The following TIFAB variants were observed in gnomAD, a reference collection of about 807,000 sequenced individuals.
The protein encoded by TIFAB is TIFA inhibitor.
For synonymous variants in TIFAB, 116 were observed against 95.2 expected (o/e 1.22, Z -1.27); for missense variants, 222 against 203.6 (o/e 1.09, Z -0.55).
rs1038610478 is a variant in TIFAB, at chr5:135,449,922, G to T, written c.18C>A (p.Thr6=). MEKPL[T]VLRVSLYHPT... is the part of the protein sequence containing the mutation. ...GATGGTACAGGCTCACTCGCAGGACGGTGAGGGGCTTCTCCATGGAAGAAG... is the reference window on the plus strand; with the variant it reads ...GATGGTACAGGCTCACTCGCAGGACTGTGAGGGGCTTCTCCATGGAAGAAG... The change falls in exon 2 of 2, where the codon ACC becomes ACA. Residue 6 remains threonine (T), a synonymous_variant. Transcript: ENST00000537858. 2 of 1,521,242 alleles carry T rather than the reference G, an allele frequency of 1.3e-6. No individual in the cohort carries two copies. The highest frequency in any genetic ancestry group is 1.8e-6 in the Non-Finnish European group (2 of 1,134,222). The allele number at this position is 1,521,242 out of a possible 1,614,324, so 94.2% of individuals were successfully genotyped here.
In TIFAB at chr5:135,449,463, AC is replaced by A. The variant is rs1438057919; in HGVS notation, c.476del (p.Gly159ValfsTer57). On this transcript the variant is annotated frameshift_variant, in exon 2 of 2. Coordinates refer to ENST00000537858, the MANE Select transcript of TIFAB (RefSeq NM_001099221.2). LOFTEE classifies it high-confidence loss of function. ...AGGCAACCTGGATCTGCTACCCTGAACCAGGGGGAGGCTGCCCCTGGGAGAT... is the reference window on the plus strand; with the variant it reads ...AGGCAACCTGGATCTGCTACCCTGAACAGGGGGAGGCTGCCCCTGGGAGAT... ...EGISQGQPPP[G>X]SG 20 of 1,613,636 alleles carry A rather than the reference AC, an allele frequency of 1.2e-5. No homozygotes were observed. Among genetic ancestry groups the A allele is most frequent in the Non-Finnish European group, 1.7e-5 (20 of 1,179,848 alleles).
Position 135,445,134 on chromosome 5 carries a change from G to T in TIFAB, c.*4320C>A, listed in dbSNP as rs1203583479. On this transcript the variant is annotated 3_prime_UTR_variant, in exon 2 of 2. Coordinates refer to ENST00000537858, the MANE Select transcript of TIFAB (RefSeq NM_001099221.2). The stretch of plus-strand genomic sequence containing the variant: ...CCCCTCCAGGGTCTCCTTGGCAGGG[G>T]CTGTCCCCTATGAGCCTCTGCAGGG... 1 of 152,150 alleles carries T rather than the reference G, an allele frequency of 6.6e-6. No homozygotes were observed. Among genetic ancestry groups the T allele is most frequent in the East Asian group, 1.9e-4 (1 of 5,166 alleles). 9.4% of individuals were successfully genotyped at this position (152,150 alleles called of 1,614,324 possible). A position where few individuals can be genotyped will look rare whatever the true frequency, so the allele number is the denominator to read the frequency against.
chr5:135,447,242 A>G lies in TIFAB; in HGVS notation c.*2212T>C. The G allele has an allele frequency of 4.6e-6, 5 of 1,077,230 alleles. No individual in the cohort carries two copies. The South Asian group carries it at 4.8e-5, about 10-fold the overall frequency. 66.7% of individuals were successfully genotyped at this position (1,077,230 alleles called of 1,614,324 possible). On this transcript the variant is annotated 3_prime_UTR_variant, in exon 2 of 2. Transcript: ENST00000537858. ...CTAACCCTGCCTATTGGACCTTCTG[A>G]TGCAAGGAGCAGATTAAAATCCCCT...
chr5:135,452,210 T>G lies in TIFAB; in HGVS notation c.-12A>C, dbSNP rs1769372580. On this transcript the variant is annotated splice_region_variant and 5_prime_UTR_variant, in exon 1 of 2. Transcript: ENST00000537858. ...CAAGCCCCTCTGGCTTCAACTTACC[T>G]TATTGCCGGGGCACATCTGGCTCTA... The G allele has an allele frequency of 6.6e-6, 1 of 152,200 alleles. No individual in the cohort carries two copies. The highest frequency in any genetic ancestry group is 1.5e-5 in the Non-Finnish European group (1 of 68,060). 9.4% of individuals were successfully genotyped at this position (152,200 alleles called of 1,614,324 possible). A position where few individuals can be genotyped will look rare whatever the true frequency, so the allele number is the denominator to read the frequency against.
Position 135,446,150 on chromosome 5 carries a change from A to G in TIFAB, c.*3304T>C. ...TCACAATGACTCTAAGGAGGTAAGT[A>G]CTGTGAACTTTCCCGTTTTCTACAA... On this transcript the variant is annotated 3_prime_UTR_variant, in exon 2 of 2. Coordinates refer to ENST00000537858, the MANE Select transcript of TIFAB (RefSeq NM_001099221.2). The G allele has an allele frequency of 1.9e-6, 1 of 527,906 alleles. No homozygotes were observed. Among genetic ancestry groups the G allele is most frequent in the Non-Finnish European group, 3.3e-6 (1 of 303,414 alleles). 32.7% of individuals were successfully genotyped at this position (527,906 alleles called of 1,614,324 possible). A position where few individuals can be genotyped will look rare whatever the true frequency, so the allele number is the denominator to read the frequency against.
chr5:135,446,345 T>C lies in TIFAB; in HGVS notation c.*3109A>G, dbSNP rs781303653. The C allele has an allele frequency of 3.8e-6, 6 of 1,567,592 alleles. No homozygotes were observed. In the African/African-American group the frequency reaches 4.1e-5, roughly 11 times the overall value. On this transcript the variant is annotated 3_prime_UTR_variant, in exon 2 of 2. Transcript: ENST00000537858. ...TTCGTGTTTAGTGTATGTCTGTGCATACTTGCGTGTGTGCACACGCACACA... is the reference window on the plus strand; with the variant it reads ...TTCGTGTTTAGTGTATGTCTGTGCACACTTGCGTGTGTGCACACGCACACA...
chr5:135,449,246 T>G lies in TIFAB; in HGVS notation c.*208A>C. The G allele has an allele frequency of 1.3e-6, 1 of 761,634 alleles. No homozygotes were observed. Among genetic ancestry groups the G allele is most frequent in the Non-Finnish European group, 2.0e-6 (1 of 489,088 alleles). The allele number at this position is 761,634 out of a possible 1,614,324, so 47.2% of individuals were successfully genotyped here. A position where few individuals can be genotyped will look rare whatever the true frequency, so the allele number is the denominator to read the frequency against. ...TTATGAGCAAGGCAGCCAGTGGGTT[T>G]TGCTTGTCAACCTTGCATGATGCAG... On this transcript the variant is annotated 3_prime_UTR_variant, in exon 2 of 2. Coordinates refer to ENST00000537858, the MANE Select transcript of TIFAB (RefSeq NM_001099221.2).
rs1769329181 is a variant in TIFAB, at chr5:135,449,549, C to T, written c.391G>A (p.Val131Ile). 1.9e-6 allele frequency: 3 copies of T among 1,614,238 alleles called. No homozygotes were observed. The highest frequency in any genetic ancestry group is 2.5e-6 in the Non-Finnish European group (3 of 1,180,044). ...SLEAFVCYFH[V>I]SPSPLIYRPE... ...CTGTAAATCAGGGGTGAAGGGCTGA[C>T]ATGGAAATAGCAGACAAAAGCCTCC... Residue 131 changes from valine (V) to isoleucine (I), a missense_variant, in exon 2 of 2, where the codon GTC becomes ATC. Coordinates refer to ENST00000537858, the MANE Select transcript of TIFAB (RefSeq NM_001099221.2).
In TIFAB at chr5:135,449,793, C is replaced by T; in HGVS notation, c.147G>A (p.Gln49=). Reference sequence around the variant, plus strand: ...GGTGACGGCGGGAGAGGCGAGGGAGCTGCAGCTGGAGGTGGGCGTCCTGCC... The same window carrying T: ...GGTGACGGCGGGAGAGGCGAGGGAGTTGCAGCTGGAGGTGGGCGTCCTGCC... ...GRGQDAHLQL[Q]LPRLSRRHLS... Residue 49 remains glutamine, a synonymous_variant, in exon 2 of 2, where the codon CAG becomes CAA. Coordinates refer to ENST00000537858, the MANE Select transcript of TIFAB (RefSeq NM_001099221.2). 1 of 1,610,718 alleles carries T rather than the reference C, an allele frequency of 6.2e-7. No homozygotes were observed. The highest frequency in any genetic ancestry group is 8.5e-7 in the Non-Finnish European group (1 of 1,177,304).
In TIFAB at chr5:135,446,531, C is replaced by T. The variant is rs1243437385; in HGVS notation, c.*2923G>A. 1.2e-6 allele frequency: 2 copies of T among 1,613,942 alleles called. No individual in the cohort carries two copies. Among genetic ancestry groups the T allele is most frequent in the South Asian group, 2.2e-5 (2 of 91,078 alleles). ...CCTGAAGCCAGCCTGACGGTTCCAG[C>T]TGTTAGGAGAAAGTGAAGGTGGGTG... is the stretch of plus-strand genomic sequence containing the variant. On this transcript the variant is annotated 3_prime_UTR_variant, in exon 2 of 2. Transcript: ENST00000537858.
intron 1 of TIFAB, among the ~76,000 whole-genome samples, 155 bp from the exon 2 acceptor site, chr5:135,450,104 T>A (rs1769340056): frequency 6.6e-6 from 1 of 152,220 alleles, no homozygotes; most frequent in Non-Finnish European, 1.5e-5. Context: ...GGAATTGGTG[T>A]GGAAGGTCAT....
chr5:135,450,452 TGGA>T (rs1295310157), intron 1 of TIFAB, among the ~76,000 whole-genome samples: 6 of 152,056 alleles, frequency 3.9e-5, no homozygotes, highest in Admixed American at 3.9e-4. Flanking sequence ...CACCCACTGG[TGGA>T]GGAGAGAGGT....
At position 135,449,896 on chromosome 5, in the gene TIFAB, G is replaced by A. The variant is rs1769337104; in HGVS notation, c.44C>T (p.Pro15Leu). Residue 15 changes from proline to leucine, a missense_variant, in exon 2 of 2, where the codon CCC becomes CTC. Physicochemically the swap from Pro to Leu is moderately conservative, Grantham distance 98. Transcript: ENST00000537858. ...GGCAAAGGCAGATGGGCCCAGCGTG[G>A]GATGGTACAGGCTCACTCGCAGGAC... ...LTVLRVSLYHPTLGPSAFANV... is the reference protein window; with the variant it reads ...LTVLRVSLYHLTLGPSAFANV... 1.3e-6 allele frequency: 2 copies of A among 1,561,836 alleles called. No homozygotes were observed. The highest frequency in any genetic ancestry group is 1.7e-4 in the Middle Eastern group (1 of 5,794).
Position 135,449,646 on chromosome 5 carries a change from G to A in TIFAB, c.294C>T (p.Pro98=). The A allele has an allele frequency of 1.2e-6, 2 of 1,614,192 alleles. No homozygotes were observed. Among genetic ancestry groups the A allele is most frequent in the Admixed American group, 3.3e-5 (2 of 60,032 alleles). Reference sequence around the variant, plus strand: ...AGGAGACCCTGTTGACGGTGCTCAGGGGGACCTGCTCCAGGTACCTCAGCG... The same window carrying A: ...AGGAGACCCTGTTGACGGTGCTCAGAGGGACCTGCTCCAGGTACCTCAGCG... ...GLTLRYLEQV[P]LSTVNRVSFS... The change falls in exon 2 of 2, where the codon CCC becomes CCT. Residue 98 remains proline (P), a synonymous_variant. Coordinates refer to ENST00000537858, the MANE Select transcript of TIFAB (RefSeq NM_001099221.2).
rs113938875 is a variant in TIFAB at position 135,451,119 on chromosome 5, A to T, written c.-11+1090T>A. 8.9e-3 allele frequency among the ~76,000 whole-genome samples: 1,355 copies of T among 152,312 alleles called. 20 individuals are homozygous for T. The highest frequency in any genetic ancestry group is 0.031 in the African/African-American group (1,277 of 41,564). On this transcript the variant is annotated intron_variant, in intron 1 of 1. Coordinates refer to ENST00000537858, the MANE Select transcript of TIFAB (RefSeq NM_001099221.2). ...TGCCCCATGTTCCACTGCCCCATACAAATAGGGCCTGGCCACCATAAATGT... is the reference window on the plus strand; with the variant it reads ...TGCCCCATGTTCCACTGCCCCATACTAATAGGGCCTGGCCACCATAAATGT...
At position 135,446,333 on chromosome 5, in the gene TIFAB, T is replaced by C; in HGVS notation, c.*3121A>G. 1 of 1,554,060 alleles carries C rather than the reference T, an allele frequency of 6.4e-7. No homozygotes were observed. The highest frequency in any genetic ancestry group is 8.7e-7 in the Non-Finnish European group (1 of 1,148,144). On this transcript the variant is annotated 3_prime_UTR_variant, in exon 2 of 2. Transcript: ENST00000537858. ...GTGCACTGTATGTTCGTGTTTAGTGTATGTCTGTGCATACTTGCGTGTGTG... is the reference window on the plus strand; with the variant it reads ...GTGCACTGTATGTTCGTGTTTAGTGCATGTCTGTGCATACTTGCGTGTGTG...
Position 135,449,352 on chromosome 5 carries a change from C to T in TIFAB, c.*102G>A. ...TAGCAGAGTGCACTGTCTGGGGGTT[C>T]CCTCTGGAGCTGTATTTCTGTTCCT... is the stretch of plus-strand genomic sequence containing the variant. On this transcript the variant is annotated 3_prime_UTR_variant, in exon 2 of 2. Transcript: ENST00000537858. 4.0e-6 allele frequency: 6 copies of T among 1,504,644 alleles called. No individual in the cohort carries two copies. The South Asian group carries it at 5.1e-5, about 13-fold the overall frequency. 93.2% of individuals were successfully genotyped at this position (1,504,644 alleles called of 1,614,324 possible). A position where few individuals can be genotyped will look rare whatever the true frequency, so the allele number is the denominator to read the frequency against.
In TIFAB at chr5:135,449,655, C is replaced by T. The variant is rs1481743119; in HGVS notation, c.285G>A (p.Glu95=). The change falls in exon 2 of 2, where the codon GAG becomes GAA. Residue 95 remains glutamate, a synonymous_variant. Coordinates refer to ENST00000537858, the MANE Select transcript of TIFAB (RefSeq NM_001099221.2). ...TGTTGACGGTGCTCAGGGGGACCTG[C>T]TCCAGGTACCTCAGCGTCAGCCCAT... ...WVNGLTLRYL[E]QVPLSTVNRV... 2 of 1,614,080 alleles carry T rather than the reference C, an allele frequency of 1.2e-6. No homozygotes were observed. Among genetic ancestry groups the T allele is most frequent in the African/African-American group, 2.7e-5 (2 of 74,956 alleles).
Position 135,449,516 on chromosome 5 carries a change from C to A in TIFAB, c.424G>T (p.Ala142Ser). ...SPSPLIYRPE[A>S]EETDEWEGIS... ...CCTTCCCATTCGTCAGTTTCCTCAG[C>A]CTCAGGTCTGTAAATCAGGGGTGAA... Residue 142 changes from alanine (A) to serine (S), a missense_variant, in exon 2 of 2, where the codon GCT (alanine) becomes TCT (serine). Transcript: ENST00000537858. The A allele has an allele frequency of 6.2e-7, 1 of 1,614,206 alleles. No homozygotes were observed. Among genetic ancestry groups the A allele is most frequent in the South Asian group, 1.1e-5 (1 of 91,084 alleles).
Sources: gnomAD v4.1 joint callset for allele counts (sites outside exome capture counted in the v4.1 genomes callset) on GRCh38, gnomAD v4.1.1 for gene constraint, MANE v1.5 for transcripts, NCBI Gene and HGNC (gene_info 2026-07-23, HGNC 2026-07-21) for gene names.